Variants in BLZF1 observed in about 807,000 individuals in gnomAD.
BLZF1 encodes the protein golgin-45.
In BLZF1, 39 loss-of-function variants were observed where a neutral mutation model predicts 43.8. The observed-to-expected ratio is 0.89, with a 90% CI of 0.69 to 1.16. The LOEUF (loss-of-function observed/expected upper bound fraction) is 1.16. Among genes scored for constraint, BLZF1 ranks in the 50% most tolerant of loss-of-function variants. The pLI is 0.00. For missense variants in BLZF1, 449 were observed against 469.8 expected (o/e 0.96, Z 0.41); for synonymous variants, 136 against 159.4 (o/e 0.85, Z 1.11).
rs1378585096 is a variant in BLZF1 at position 169,380,564 on chromosome 1, T to C, written c.752T>C (p.Leu251Pro). 1 of 1,612,912 alleles carries C rather than the reference T, an allele frequency of 6.2e-7. No homozygotes were observed. The highest frequency in any genetic ancestry group is 8.5e-7 in the Non-Finnish European group (1 of 1,179,106). Residue 251 changes from leucine (L) to proline (P), a missense_variant, in exon 5 of 7, where the codon CTA becomes CCA. Coordinates refer to ENST00000367808, the MANE Select transcript of BLZF1 (RefSeq NM_001320973.2). ...RDAHGAIQDL[L>P]SEREQFRQEM... ...GCACACGGGGCTATACAAGATCTCC[T>C]AAGTGAACGGGAACAGTTTCGTCAA... is the stretch of plus-strand genomic sequence containing the variant.
At chr1:169,386,143 CAGA>C (rs1307514809) in intron 6 of BLZF1, among the ~76,000 whole-genome samples, 3 of 152,024 alleles carry the variant, frequency 2.0e-5, no homozygotes, top group South Asian at 2.1e-4. Flanking sequence ...AAAATCAGAG[CAGA>C]AGAAGAATTA....
chr1:169,390,358 G>C (rs1476338181), downstream of BLZF1, among the ~76,000 whole-genome samples: 1 of 151,974 alleles, frequency 6.6e-6, no homozygotes, highest in Non-Finnish European at 1.5e-5. Flanking sequence ...GACAAATAGA[G>C]AATAGAAAAA....
intron 6 of BLZF1, among the ~76,000 whole-genome samples, chr1:169,383,009 CTT>C (rs200682870): frequency 0.011 from 1,680 of 152,230 alleles, 17 homozygotes; most frequent in African/African-American, 0.039. Context: ...TCAGCTCACT[CTT>C]TTAGTTTCTC....
At chr1:169,383,435 C>A (rs577157127) in intron 6 of BLZF1, among the ~76,000 whole-genome samples, 1 of 152,274 alleles carries the variant, frequency 6.6e-6, no homozygotes, top group South Asian at 2.1e-4. Flanking sequence ...AATCTTCCCT[C>A]TATTGTAAGA....
chr1:169,375,460 G>A (rs1460372149), intron 2 of BLZF1, among the ~76,000 whole-genome samples: 2 of 134,734 alleles, frequency 1.5e-5, no homozygotes, highest in East Asian at 2.1e-4. Context: ...TGAATTCACT[G>A]AAGACCAATC....
At chr1:169,395,233 G>A in intron 7 of BLZF1, 3 of 1,594,534 alleles carry the variant, frequency 1.9e-6, no homozygotes, top group African/African-American at 1.4e-5. Context: ...GATCAGATTT[G>A]GTGAGTATCA....
intron 6 of BLZF1, 104 bp from the exon 7 acceptor site, chr1:169,386,893 T>C (rs752618372): frequency 3.9e-5 from 29 of 735,000 alleles, no homozygotes; most frequent in Non-Finnish European, 6.1e-5. Context: ...GTAATAGTTA[T>C]ATATTAATGA....
At chr1:169,394,258 T>G (rs1654895802) in intron 7 of BLZF1, among the ~76,000 whole-genome samples, 1 of 152,230 alleles carries the variant, frequency 6.6e-6, no homozygotes, top group African/African-American at 2.4e-5. Context: ...TTTTAAGCTC[T>G]CAATAAAAGT....
chr1:169,369,617 C>T, intron 2 of BLZF1, 67 bp downstream of exon 2: 2 of 1,246,626 alleles, frequency 1.6e-6, no homozygotes, highest in Non-Finnish European at 1.2e-6. Flanking sequence ...AACGTTTGAG[C>T]CAGATAACTA....
intron 2 of BLZF1, among the ~76,000 whole-genome samples, chr1:169,375,804 A>G (rs1217633300): frequency 1.3e-5 from 2 of 151,628 alleles, no homozygotes; most frequent in Admixed American, 1.3e-4. Flanking sequence ...ATATACATAT[A>G]TATATATATA....
chr1:169,375,409 T>A (rs1380459461), intron 2 of BLZF1, among the ~76,000 whole-genome samples: 4 of 98,030 alleles, frequency 4.1e-5, no homozygotes, highest in Admixed American at 1.3e-4. Flanking sequence ...TATATATATA[T>A]ATATATATAT....
intron 6 of BLZF1, among the ~76,000 whole-genome samples, chr1:169,386,428 C>T (rs528915905): frequency 6.6e-6 from 1 of 152,206 alleles, no homozygotes; most frequent in South Asian, 2.1e-4. Flanking sequence ...TGTAAAAAAA[C>T]TGACCTCCTG....
chr1:169,376,466 G>A (rs12563090), intron 2 of BLZF1, 74 bp from the exon 3 acceptor site: 713,977 of 1,266,384 alleles, frequency 0.56, 208,947 homozygotes, highest in Non-Finnish European at 0.6. Context: ...TTGAATATAG[G>A]GTATAGCATG....
intron 6 of BLZF1, among the ~76,000 whole-genome samples, chr1:169,383,818 C>G (rs996354557): frequency 6.6e-6 from 1 of 152,206 alleles, no homozygotes; most frequent in Admixed American, 6.5e-5. Context: ...ACTCTTGAAA[C>G]GATTCACTAC....
intron 6 of BLZF1, 36 bp downstream of exon 6, chr1:169,382,317 A>G: frequency 6.4e-7 from 1 of 1,556,728 alleles, no homozygotes; most frequent in African/African-American, 1.4e-5. Flanking sequence ...TGGAACTTCT[A>G]ACACTGTCCT....
chr1:169,390,033 G>A (rs1040997738), downstream of BLZF1, among the ~76,000 whole-genome samples: 15 of 152,048 alleles, frequency 9.9e-5, no homozygotes, highest in African/African-American at 2.9e-4. Flanking sequence ...GATGATGGTT[G>A]TACAACAATG....
Position 169,376,793 on chromosome 1 carries a change from C to A in BLZF1, c.282C>A (p.Asn94Lys), listed in dbSNP as rs755821213. The A allele has an allele frequency of 1.9e-6, 3 of 1,613,298 alleles. No homozygotes were observed. Among genetic ancestry groups the A allele is most frequent in the Non-Finnish European group, 2.5e-6 (3 of 1,179,568 alleles). Residue 94 changes from asparagine to lysine, a missense_variant, in exon 3 of 7, where the codon AAC becomes AAA. Transcript: ENST00000367808. ...PKAAITHDIP[N>K]KNTKVKSLGH... is the part of the protein sequence containing the mutation. ...CTGCTATAACTCATGATATCCCCAA[C>A]AAAAATACAAAGGTTAAGTCTCTGG...
At chr1:169,380,670 G>A in intron 5 of BLZF1, 61 bp downstream of exon 5, 1 of 1,585,278 alleles carries the variant, frequency 6.3e-7, no homozygotes, top group Non-Finnish European at 8.6e-7. Context: ...AGTTATTGTA[G>A]TTTTGGTTTT....
exon 8 of BLZF1, chr1:169,396,282 G>A (rs1001005124): frequency 6.6e-6 from 1 of 152,146 alleles, no homozygotes; most frequent in Non-Finnish European, 1.5e-5. Context: ...GGCTGGGCAT[G>A]GTGGCTCATG....
Sources: allele counts gnomAD v4.1 joint callset (sites outside exome capture counted in the v4.1 genomes callset), GRCh38; gene constraint gnomAD v4.1.1; transcripts MANE v1.5; gene names NCBI Gene and HGNC (gene_info 2026-07-23, HGNC 2026-07-21).